The following DOCK3 variants were observed in gnomAD, a reference collection of about 807,000 sequenced individuals.
The protein encoded by DOCK3 is dedicator of cytokinesis protein 3.
Under a neutral mutation model 265.6 loss-of-function variants are expected in DOCK3, and 60 were observed. The ratio of observed to expected loss-of-function variants is 0.23; its 90% confidence interval spans 0.18 to 0.28. The LOEUF is 0.28. Ranked by LOEUF, DOCK3 falls within the 10% of genes least tolerant of loss-of-function variation. The pLI, the probability that DOCK3 is intolerant of heterozygous loss-of-function variation, is 1.00. For synonymous variants in DOCK3, 881 were observed against 938.0 expected, an observed-to-expected ratio of 0.94 and a Z score of 1.11; for missense variants, 1,981 against 2,594.3, an observed-to-expected ratio of 0.76 and a Z score of 5.14.
intron 7 of DOCK3, among the ~76,000 whole-genome samples, chr3:51,078,259 A>G (rs1473918562): frequency 1.3e-5 from 2 of 152,210 alleles, no homozygotes; most frequent in Non-Finnish European, 2.9e-5. Context: ...ACTGGAATAC[A>G]CTTGGAATAA....
intron 2 of DOCK3, among the ~76,000 whole-genome samples, chr3:50,822,989 G>A (rs990668377): frequency 3.3e-5 from 5 of 152,090 alleles, no homozygotes; most frequent in African/African-American, 9.7e-5. Context: ...ATTTGTGTTT[G>A]AATATTGTCA....
intron 3 of DOCK3, among the ~76,000 whole-genome samples, chr3:50,879,217 C>A (rs144358790): frequency 6.6e-6 from 1 of 152,078 alleles, no homozygotes; most frequent in Non-Finnish European, 1.5e-5. Flanking sequence ...GAAACTGCAT[C>A]AATTAACGAG....
intron 10 of DOCK3, among the ~76,000 whole-genome samples, chr3:51,152,735 C>T (rs1202631540): frequency 6.6e-6 from 1 of 152,186 alleles, no homozygotes; most frequent in Non-Finnish European, 1.5e-5. Flanking sequence ...TGTTAGTTTT[C>T]CTTCTAACAG....
At chr3:50,926,934 AAT>A (rs1450697931) in intron 4 of DOCK3, among the ~76,000 whole-genome samples, 2 of 152,194 alleles carry the variant, frequency 1.3e-5, no homozygotes, top group African/African-American at 4.8e-5. Context: ...GTTCTTTAAA[AAT>A]ATGTTAGATC....
chr3:51,200,717 A>G (rs1385284240), intron 12 of DOCK3, among the ~76,000 whole-genome samples: 3 of 151,916 alleles, frequency 2.0e-5, no homozygotes, highest in Non-Finnish European at 4.4e-5. Context: ...CAAGACACAT[A>G]ATTGTCAGAT....
At chr3:51,178,080 TATTA>T (rs2087067281) in intron 12 of DOCK3, among the ~76,000 whole-genome samples, 1 of 145,970 alleles carries the variant, frequency 6.9e-6, no homozygotes, top group Non-Finnish European at 1.5e-5. Context: ...ATCTATATGA[TATTA>T]ATAAGAGATT....
intron 9 of DOCK3, among the ~76,000 whole-genome samples, chr3:51,141,299 G>GTT (rs34416506): frequency 0.84 from 120,210 of 142,862 alleles, 50,988 homozygotes; most frequent in East Asian, 0.92. Context: ...TTCCTGGAGA[G>GTT]TTTTTTTTTT....
chr3:51,189,847 A>G (rs532552270), intron 12 of DOCK3, among the ~76,000 whole-genome samples: 1 of 152,302 alleles, frequency 6.6e-6, no homozygotes, highest in South Asian at 2.1e-4. Context: ...ACTGTTTTCC[A>G]TAGAAGTTGT....
intron 15 of DOCK3, among the ~76,000 whole-genome samples, chr3:51,226,202 A>G (rs1344225203): frequency 6.6e-6 from 1 of 152,222 alleles, no homozygotes; most frequent in African/African-American, 2.4e-5. Context: ...GTACCAAGTT[A>G]TAGGACAAAG....
At chr3:50,750,915 A>G (rs983532295) in intron 1 of DOCK3, among the ~76,000 whole-genome samples, 2 of 152,234 alleles carry the variant, frequency 1.3e-5, no homozygotes, top group Admixed American at 1.3e-4. Flanking sequence ...GCAAAGCCAA[A>G]CAAATTATTT....
At chr3:50,825,634 C>G (rs1387312609) in intron 2 of DOCK3, among the ~76,000 whole-genome samples, 1 of 152,058 alleles carries the variant, frequency 6.6e-6, no homozygotes, top group Non-Finnish European at 1.5e-5. Context: ...GACAGTATGC[C>G]TACTGAGTAT....
intron 2 of DOCK3, among the ~76,000 whole-genome samples, chr3:50,804,912 ATGCGTTGATTTCCC>A (rs2043322509): frequency 6.6e-6 from 1 of 152,184 alleles, no homozygotes; most frequent in East Asian, 1.9e-4. Flanking sequence ...TATTCAAATC[ATGCGTTGATTTCCC>A]CAATTTTGTT....
chr3:51,030,797 A>G (rs2108951429), intron 5 of DOCK3, among the ~76,000 whole-genome samples: 2 of 152,168 alleles, frequency 1.3e-5, no homozygotes, highest in East Asian at 3.9e-4. Flanking sequence ...ACAAACCCCA[A>G]TTTTTGTCTT....
chr3:51,030,608 A>G (rs1326376434), intron 5 of DOCK3, among the ~76,000 whole-genome samples: 1 of 152,186 alleles, frequency 6.6e-6, no homozygotes, highest in Non-Finnish European at 1.5e-5. Flanking sequence ...AAACACTGCT[A>G]AAATCTGTTC....
intron 3 of DOCK3, among the ~76,000 whole-genome samples, chr3:50,887,166 A>T (rs1417029540): frequency 1.3e-5 from 2 of 152,084 alleles, no homozygotes; most frequent in Non-Finnish European, 1.5e-5. Context: ...CGCAATAAAA[A>T]ATGATAAAGG....
rs2086078044 is a variant in DOCK3, at chr3:51,160,600, A to G, written c.935A>G (p.His312Arg). 1 of 1,613,084 alleles carries G rather than the reference A, an allele frequency of 6.2e-7. No homozygotes were observed. The highest frequency in any genetic ancestry group is 8.5e-7 in the Non-Finnish European group (1 of 1,179,470). ...NDSKKGPPHL[H>R]YRRPYGCAVL... ...TCAAAGAAAGGTCCTCCTCACCTGC[A>G]CTACAGGCGACCATATGGCTGTGCG... Residue 312 changes from histidine (H) to arginine (R), a missense_variant, in exon 12 of 53, where the codon CAC (histidine) becomes CGC (arginine). Transcript: ENST00000266037.
At chr3:50,728,360 A>G (rs1206756062) in intron 1 of DOCK3, among the ~76,000 whole-genome samples, 2 of 152,204 alleles carry the variant, frequency 1.3e-5, no homozygotes, top group Non-Finnish European at 2.9e-5. Flanking sequence ...GTTAGAAGGA[A>G]AGAAAAACTT....
chr3:50,803,516 C>T (rs990865287), intron 2 of DOCK3, among the ~76,000 whole-genome samples: 1 of 152,220 alleles, frequency 6.6e-6, no homozygotes, highest in Non-Finnish European at 1.5e-5. Flanking sequence ...CTTTCCTTTC[C>T]CCACACTTCC....
At chr3:50,901,033 C>T in intron 4 of DOCK3, 1 of 340,874 alleles carries the variant, frequency 2.9e-6, no homozygotes, top group Non-Finnish European at 5.7e-6. Flanking sequence ...CTCTTCAGAA[C>T]AGACAGGCTG....
Sources: gnomAD v4.1 joint callset for allele counts (sites outside exome capture counted in the v4.1 genomes callset) on GRCh38, gnomAD v4.1.1 for gene constraint, MANE v1.5 for transcripts, NCBI Gene and HGNC (gene_info 2026-07-23, HGNC 2026-07-21) for gene names.